NAV2: variants seen among roughly 807,000 people sequenced by gnomAD.
NAV2 encodes the protein helicase, APC down-regulated 1.
In NAV2, 54 loss-of-function variants were observed where a neutral mutation model predicts 223.2. That is an observed-to-expected ratio of 0.24 (90% CI 0.19 to 0.30). The LOEUF (loss-of-function observed/expected upper bound fraction) is 0.30. NAV2 is among the 10% of genes least tolerant of loss of function. The pLI is 1.00. For missense variants in NAV2, 2,806 were observed against 3,147.5 expected (o/e 0.89, Z 2.60); for synonymous variants, 1,279 against 1,239.3 (o/e 1.03, Z -0.67).
chr11:19,622,015 C>T (rs145138969), intron 1 of NAV2, among the ~76,000 whole-genome samples: 1,576 of 152,168 alleles, frequency 0.01, 13 homozygotes, highest in Middle Eastern at 0.02. Flanking sequence ...CGTTATGTAC[C>T]CAGTAGTCGT....
chr11:20,089,045 A>G (rs2153679920), intron 26 of NAV2, among the ~76,000 whole-genome samples: 1 of 152,104 alleles, frequency 6.6e-6, no homozygotes, highest in Non-Finnish European at 1.5e-5. Flanking sequence ...AGTAAACCTC[A>G]CAAACCACAG....
chr11:19,918,331 A>G (rs1286132876), intron 6 of NAV2, among the ~76,000 whole-genome samples: 1 of 152,254 alleles, frequency 6.6e-6, no homozygotes, highest in East Asian at 1.9e-4. Context: ...TGGTTGGGTC[A>G]ATAGTCAGTT....
chr11:19,799,589 G>A (rs758371459), intron 1 of NAV2, among the ~76,000 whole-genome samples: 30 of 151,574 alleles, frequency 2.0e-4, no homozygotes, highest in Non-Finnish European at 2.8e-4. Context: ...GGTGGGTGGC[G>A]GGGTGAAGAA....
chr11:19,919,445 G>A (rs1439576671), intron 6 of NAV2, among the ~76,000 whole-genome samples: 1 of 152,176 alleles, frequency 6.6e-6, no homozygotes, highest in African/African-American at 2.4e-5. Flanking sequence ...TTACTGGGCT[G>A]CTTCCAGTCA....
intron 11 of NAV2, among the ~76,000 whole-genome samples, chr11:20,031,395 C>T (rs2055717525): frequency 6.6e-6 from 1 of 152,212 alleles, no homozygotes; most frequent in Non-Finnish European, 1.5e-5. Flanking sequence ...TCCTTACTGC[C>T]TGAGTGAATT....
At chr11:19,767,281 G>A (rs1489835643) in intron 1 of NAV2, among the ~76,000 whole-genome samples, 1 of 152,132 alleles carries the variant, frequency 6.6e-6, no homozygotes, top group African/African-American at 2.4e-5. Context: ...ATAACAGGAG[G>A]GAAAATGCAG....
intron 11 of NAV2, among the ~76,000 whole-genome samples, chr11:20,013,824 T>A (rs2053778076): frequency 6.6e-6 from 1 of 152,126 alleles, no homozygotes; most frequent in African/African-American, 2.4e-5. Flanking sequence ...GGGGTATAGT[T>A]TTACAAAACA....
At chr11:20,044,321 A>G (rs1476373197) in intron 13 of NAV2, 49 bp downstream of exon 13, 2 of 1,523,594 alleles carry the variant, frequency 1.3e-6, no homozygotes, top group South Asian at 2.4e-5. Flanking sequence ...TTTGAAAACC[A>G]AAGCCATAGT....
Position 19,626,846 on chromosome 11 carries a change from G to C in NAV2, c.76-205638G>C, listed in dbSNP as rs78098564. On this transcript the variant is annotated intron_variant, in intron 1 of 37. Transcript: ENST00000360655. Reference sequence around the variant, plus strand: ...ATTCTGGTTCCAACTTTTATGAGCTGTGTGTCCCTAGGAAAGTGACTTAAG... The same window carrying C: ...ATTCTGGTTCCAACTTTTATGAGCTCTGTGTCCCTAGGAAAGTGACTTAAG... Among the ~76,000 whole-genome samples the C allele has an allele frequency of 6.8e-3, 1,028 of 152,264 alleles. 13 individuals carry two copies. The highest frequency in any genetic ancestry group is 0.024 in the African/African-American group (985 of 41,534).
intron 1 of NAV2, among the ~76,000 whole-genome samples, chr11:19,761,202 G>A (rs1057090736): frequency 6.6e-6 from 1 of 152,126 alleles, no homozygotes; most frequent in Non-Finnish European, 1.5e-5. Flanking sequence ...TCTTGGGGGA[G>A]TTATTCACTC....
chr11:19,659,094 A>C (rs1276985084), intron 1 of NAV2, among the ~76,000 whole-genome samples: 1 of 152,246 alleles, frequency 6.6e-6, no homozygotes, highest in Non-Finnish European at 1.5e-5. Flanking sequence ...GGATAATATA[A>C]AGAAAACTAA....
intron 26 of NAV2, among the ~76,000 whole-genome samples, chr11:20,085,258 A>G (rs896339488): frequency 5.9e-5 from 9 of 152,104 alleles, no homozygotes; most frequent in African/African-American, 2.2e-4. Context: ...TAGTGGAGAC[A>G]TGACATAGTA....
At chr11:19,540,464 G>A (rs1399116539) in intron 1 of NAV2, among the ~76,000 whole-genome samples, 1 of 152,144 alleles carries the variant, frequency 6.6e-6, no homozygotes, top group Non-Finnish European at 1.5e-5. Flanking sequence ...ATTCTGCAAG[G>A]TAACTATAAT....
rs536838780 is a variant in NAV2 at position 19,544,209 on chromosome 11, G to A, written c.75+193182G>A. The stretch of plus-strand genomic sequence containing the variant: ...CAGAGTTGATTTCCATCAAAACCGA[G>A]TGATTGAAGGAGAATGAGAACGAGA... On this transcript the variant is annotated intron_variant, in intron 1 of 37. Transcript: ENST00000360655. Among the ~76,000 whole-genome samples, 50 of 152,298 alleles carry A rather than the reference G, an allele frequency of 3.3e-4. 1 individual carries two copies. The highest frequency in any genetic ancestry group is 5.9e-4 in the Non-Finnish European group (40 of 68,030).
At chr11:19,659,173 G>A (rs2048206268) in intron 1 of NAV2, among the ~76,000 whole-genome samples, 1 of 152,192 alleles carries the variant, frequency 6.6e-6, no homozygotes, top group South Asian at 2.1e-4. Flanking sequence ...AATTGTATAA[G>A]GGGTAAGGAA....
In NAV2 at chr11:20,044,301, C is replaced by T. The variant is rs2057230575; in HGVS notation, c.3199+29C>T. ...AGAGGCCGGGGCTGTCTTGGCCCTA[C>T]AGTTGACATTTTGAAAACCAAAGCC... is the stretch of plus-strand genomic sequence containing the variant. On this transcript the variant is annotated intron_variant, in intron 13 of 37. Coordinates refer to ENST00000349880, the MANE Select transcript of NAV2 (RefSeq NM_145117.5). 4 of 1,569,866 alleles carry T rather than the reference C, an allele frequency of 2.5e-6. No individual in the cohort carries two copies. The Admixed American group carries it at 5.5e-5, about 22-fold the overall frequency.
intron 1 of NAV2, among the ~76,000 whole-genome samples, chr11:19,719,757 G>A (rs2050611997): frequency 6.6e-6 from 1 of 152,170 alleles, no homozygotes; most frequent in South Asian, 2.1e-4. Context: ...TTAGATGAAT[G>A]GGTAAATTAA....
At chr11:19,501,063 C>T (rs527575053) in intron 1 of NAV2, among the ~76,000 whole-genome samples, 19 of 152,298 alleles carry the variant, frequency 1.2e-4, no homozygotes, top group African/African-American at 4.3e-4. Context: ...TGCCCACATT[C>T]CTTTGTTCAT....
intron 11 of NAV2, among the ~76,000 whole-genome samples, chr11:20,023,711 T>G (rs891932729): frequency 1.3e-5 from 2 of 151,500 alleles, no homozygotes; most frequent in Non-Finnish European, 2.9e-5. Context: ...TGTGTGTGTG[T>G]GTGTGTGTGT....
Sources: allele counts gnomAD v4.1 joint callset (sites outside exome capture counted in the v4.1 genomes callset), GRCh38; gene constraint gnomAD v4.1.1; transcripts MANE v1.5; gene names NCBI Gene and HGNC (gene_info 2026-07-23, HGNC 2026-07-21).